Variants in ZNF551 observed in about 807,000 individuals in gnomAD.
ZNF551 encodes zinc finger protein 551.
In ZNF551, 5 loss-of-function variants were observed where a neutral mutation model predicts 7.9. The ratio of observed to expected loss-of-function variants is 0.63; its 90% CI spans 0.33 to 1.33. ZNF551 has a LOEUF of 1.33. ZNF551 is among the 40% of genes most tolerant of loss of function. ZNF551 has a pLI of 0.05. For synonymous variants in ZNF551, 287 were observed against 277.3 expected (o/e 1.03, Z -0.35); for missense variants, 788 against 825.2 (o/e 0.95, Z 0.55).
chr19:57,688,067 C>T lies in ZNF551; in HGVS notation c.1792C>T (p.Gln598Ter). Reference sequence around the variant, plus strand: ...TAGTGAATGTGGGAAATCCTTTAGCCAGAGCTCTAGCCTCATTCAACACCA... The same window carrying T: ...TAGTGAATGTGGGAAATCCTTTAGCTAGAGCTCTAGCCTCATTCAACACCA... ...ECSECGKSFS[Q>*]SSSLIQHQRG... The change falls in exon 3 of 3, where the codon CAG (glutamine) becomes TAG (stop). Residue 598 changes from glutamine (Q) to a stop codon, truncating the protein, a stop_gained. Coordinates refer to ENST00000282296, the MANE Select transcript of ZNF551 (RefSeq NM_138347.5). LOFTEE classifies it low-confidence loss of function (END_TRUNC). The T allele has an allele frequency of 1.2e-6, 2 of 1,614,034 alleles. No individual in the cohort carries two copies. Among genetic ancestry groups the T allele is most frequent in the Non-Finnish European group, 1.7e-6 (2 of 1,179,992 alleles).
chr19:57,689,913 A>T lies in ZNF551; in HGVS notation c.*1625A>T, dbSNP rs1984709927. On this transcript the variant is annotated 3_prime_UTR_variant, in exon 3 of 3. Coordinates refer to ENST00000282296, the MANE Select transcript of ZNF551 (RefSeq NM_138347.5). The stretch of plus-strand genomic sequence containing the variant: ...TAGGAGAACAAGAATAGAGAGAAGG[A>T]TCATTCCGCGGTCCAGGGATGTGGC... The T allele has an allele frequency of 1.3e-5, 2 of 152,040 alleles. No individual in the cohort carries two copies. Among genetic ancestry groups the T allele is most frequent in the South Asian group, 4.1e-4 (2 of 4,820 alleles). The allele number at this position is 152,040 out of a possible 1,614,324, so 9.4% of individuals were successfully genotyped here. A position where few individuals can be genotyped will look rare whatever the true frequency, so the allele number is the denominator to read the frequency against.
At position 57,682,237 on chromosome 19, in the gene ZNF551, C is replaced by A. The variant is rs1390712305; in HGVS notation, c.74C>A (p.Ser25Ter). The A allele has an allele frequency of 1.5e-5, 23 of 1,550,540 alleles. No individual in the cohort carries two copies. The highest frequency in any genetic ancestry group is 2.0e-5 in the Non-Finnish European group (23 of 1,146,930). ...SSMAAVALRDSAQGMTFEDVA... is the reference protein window; with the variant it reads ...SSMAAVALRD ...ATGGCGGCAGTCGCGCTGAGGGACT[C>A]GGCTCAGGTGAGTTGTGCGTCCTCC... Residue 25 changes from serine (S) to a stop codon, truncating the protein, a stop_gained, in exon 1 of 3, where the codon TCG becomes TAG. Coordinates refer to ENST00000282296, the MANE Select transcript of ZNF551 (RefSeq NM_138347.5). LOFTEE classifies it high-confidence loss of function.
At position 57,687,030 on chromosome 19, in the gene ZNF551, A is replaced by T; in HGVS notation, c.755A>T (p.Glu252Val). Residue 252 changes from glutamate to valine, a missense_variant, in exon 3 of 3, where the codon GAG (glutamate) becomes GTG (valine). Transcript: ENST00000282296. ...QSVCSEGGLY[E>V]CSKCEKAFTC... Reference sequence around the variant, plus strand: ...GTCTGTTCTGAAGGAGGGCTTTATGAGTGTAGCAAATGTGAGAAAGCCTTC... The same window carrying T: ...GTCTGTTCTGAAGGAGGGCTTTATGTGTGTAGCAAATGTGAGAAAGCCTTC... 6.2e-7 allele frequency: 1 copy of T among 1,614,228 alleles called. No individual in the cohort carries two copies. The highest frequency in any genetic ancestry group is 1.1e-5 in the South Asian group (1 of 91,090).
intron 1 of ZNF551, among the ~76,000 whole-genome samples, chr19:57,684,741 A>G (rs1984499593): frequency 2.0e-5 from 3 of 152,134 alleles, no homozygotes; most frequent in Non-Finnish European, 4.4e-5. Context: ...AACTGTCCCA[A>G]TCATGGAAAA....
intron 1 of ZNF551, among the ~76,000 whole-genome samples, chr19:57,684,181 G>A (rs1363969563): frequency 1.3e-5 from 2 of 152,132 alleles, no homozygotes; most frequent in Admixed American, 6.5e-5. Flanking sequence ...ATGACTTGAG[G>A]CTGCCCCTAA....
rs750400359 is a variant in ZNF551, at chr19:57,687,358, G to T, written c.1083G>T (p.Arg361Ser). 1.5e-5 allele frequency: 24 copies of T among 1,613,638 alleles called. 1 individual carries two copies. In the South Asian group the frequency reaches 2.3e-4, roughly 16 times the overall value. ...ACCAGAGAGTTCACACTGGAGAAAG[G>T]CCTTATGAATGTGGCGAGTGCGGGA... ...IEHQRVHTGE[R>S]PYECGECGKS... The change falls in exon 3 of 3, where the codon AGG becomes AGT. Residue 361 changes from arginine (R) to serine (S), a missense_variant. Transcript: ENST00000282296.
In ZNF551 at chr19:57,686,943, A is replaced by G. The variant is rs1219985630; in HGVS notation, c.668A>G (p.Tyr223Cys). 3 of 1,614,072 alleles carry G rather than the reference A, an allele frequency of 1.9e-6. No individual in the cohort carries two copies. The highest frequency in any genetic ancestry group is 2.5e-6 in the Non-Finnish European group (3 of 1,180,046). ...IQAFFNAKSY[Y>C]KWGEYRKASS... ...GCATTTTTCAATGCAAAAAGTTATT[A>G]CAAGTGGGGTGAATACAGAAAAGCT... The change falls in exon 3 of 3, where the codon TAC (tyrosine) becomes TGC (cysteine). Residue 223 changes from tyrosine (Y) to cysteine (C), a missense_variant. Coordinates refer to ENST00000282296, the MANE Select transcript of ZNF551 (RefSeq NM_138347.5).
In ZNF551 at chr19:57,686,683, A is replaced by C; in HGVS notation, c.408A>C (p.Thr136=). Reference sequence around the variant, plus strand: ...TGCAAAAGTCATACTTGGGTAGCACAAGCATGAGAGGCTTCTGCTTCAGTG... The same window carrying C: ...TGCAAAAGTCATACTTGGGTAGCACCAGCATGAGAGGCTTCTGCTTCAGTG... ...SPVQKSYLGS[T]SMRGFCFSAD... is the part of the protein sequence containing the mutation. The change falls in exon 3 of 3, where the codon ACA becomes ACC. Residue 136 remains threonine (T), a synonymous_variant. Transcript: ENST00000282296. 1.9e-6 allele frequency: 3 copies of C among 1,614,248 alleles called. No individual in the cohort carries two copies. Among genetic ancestry groups the C allele is most frequent in the Non-Finnish European group, 2.5e-6 (3 of 1,180,048 alleles).
At chr19:57,683,098 G>A (rs774951130) in intron 1 of ZNF551, among the ~76,000 whole-genome samples, 53 of 152,158 alleles carry the variant, frequency 3.5e-4, no homozygotes, top group Non-Finnish European at 7.2e-4. Flanking sequence ...TGGGAGGTTT[G>A]GAGTGGAAGA....
Position 57,688,754 on chromosome 19 carries a change from T to C in ZNF551, c.*466T>C, listed in dbSNP as rs1984672051. 6.3e-6 allele frequency: 1 copy of C among 159,880 alleles called. No homozygotes were observed. The highest frequency in any genetic ancestry group is 2.4e-5 in the African/African-American group (1 of 41,588). The allele number at this position is 159,880 out of a possible 1,614,324, so 9.9% of individuals were successfully genotyped here. ...ACTTTTTTAAGGAACATTGTCGGTC[T>C]CACATGATGCTTGTAATGAATTTTT... is the stretch of plus-strand genomic sequence containing the variant. On this transcript the variant is annotated 3_prime_UTR_variant, in exon 3 of 3. Coordinates refer to ENST00000282296, the MANE Select transcript of ZNF551 (RefSeq NM_138347.5).
At position 57,690,433 on chromosome 19, in the gene ZNF551, AC is replaced by A. The variant is rs1984727272; in HGVS notation, c.*2146del. 1.4e-5 allele frequency: 2 copies of A among 144,504 alleles called. No individual in the cohort carries two copies. The highest frequency in any genetic ancestry group is 5.1e-5 in the African/African-American group (2 of 38,906). The allele number at this position is 144,504 out of a possible 1,614,324, so 9.0% of individuals were successfully genotyped here. On this transcript the variant is annotated 3_prime_UTR_variant, in exon 3 of 3. Coordinates refer to ENST00000282296, the MANE Select transcript of ZNF551 (RefSeq NM_138347.5). ...CGCATATACGTATACGTATATATAT[AC>A]ATATGTGTTTATATATGTGTGTGTG...
chr19:57,688,457 G>A lies in ZNF551; in HGVS notation c.*169G>A. On this transcript the variant is annotated 3_prime_UTR_variant, in exon 3 of 3. Coordinates refer to ENST00000282296, the MANE Select transcript of ZNF551 (RefSeq NM_138347.5). ...TTCATTGTAATTTCTAATCTGCCGA[G>A]GCCTATAGCCTGATTTATGTCACTG... The A allele has an allele frequency of 1.1e-6, 1 of 934,328 alleles. No individual in the cohort carries two copies. The highest frequency in any genetic ancestry group is 1.6e-6 in the Non-Finnish European group (1 of 642,648). 57.9% of individuals were successfully genotyped at this position (934,328 alleles called of 1,614,324 possible). A position where few individuals can be genotyped will look rare whatever the true frequency, so the allele number is the denominator to read the frequency against.
chr19:57,690,449 A>ATG lies in ZNF551; in HGVS notation c.*2171_*2172dup, dbSNP rs916915190. ...TATATATATACATATGTGTTTATAT[A>ATG]TGTGTGTGTGTATATATATATACTT... is the stretch of plus-strand genomic sequence containing the variant. On this transcript the variant is annotated 3_prime_UTR_variant, in exon 3 of 3. Coordinates refer to ENST00000282296, the MANE Select transcript of ZNF551 (RefSeq NM_138347.5). 2.1e-4 allele frequency: 14 copies of ATG among 66,722 alleles called. No homozygotes were observed. The highest frequency in any genetic ancestry group is 4.3e-4 in the African/African-American group (9 of 20,980). The allele number at this position is 66,722 out of a possible 1,614,324, so 4.1% of individuals were successfully genotyped here.
Position 57,682,198 on chromosome 19 carries a change from G to T in ZNF551, c.35G>T (p.Ser12Ile). Residue 12 changes from serine to isoleucine, a missense_variant, in exon 1 of 3, where the codon AGT becomes ATT. Physicochemically the swap from Ser to Ile is moderately radical, Grantham distance 142 (BLOSUM62 -2). Transcript: ENST00000282296. Reference sequence around the variant, plus strand: ...CCGGTCGGCCGCCGCTCCCCGCCTAGTCCACGGAGCTCAATGGCGGCAGTC... The same window carrying T: ...CCGGTCGGCCGCCGCTCCCCGCCTATTCCACGGAGCTCAATGGCGGCAGTC... Reference protein sequence around the residue: ...PAPVGRRSPPSPRSSMAAVAL... With the variant: ...PAPVGRRSPPIPRSSMAAVAL... 6.5e-7 allele frequency: 1 copy of T among 1,550,350 alleles called. No individual in the cohort carries two copies.
intron 1 of ZNF551, among the ~76,000 whole-genome samples, chr19:57,683,707 G>A (rs567229218): frequency 4.6e-5 from 7 of 152,246 alleles, no homozygotes; most frequent in Admixed American, 4.6e-4. Flanking sequence ...GGTTGTGTGA[G>A]GTGTTGCAAC....
At chr19:57,685,567 C>A in intron 2 of ZNF551, 182 bp downstream of exon 2, 1 of 851,798 alleles carries the variant, frequency 1.2e-6, no homozygotes, top group Non-Finnish European at 1.9e-6. Flanking sequence ...CTCTAGCTGC[C>A]ATTTCCTTAT....
Position 57,686,674 on chromosome 19 carries a change from G to T in ZNF551, c.399G>T (p.Leu133Phe). 1.2e-6 allele frequency: 2 copies of T among 1,614,180 alleles called. No homozygotes were observed. The highest frequency in any genetic ancestry group is 2.7e-5 in the African/African-American group (2 of 75,042). The change falls in exon 3 of 3, where the codon TTG becomes TTT. Residue 133 changes from leucine to phenylalanine, a missense_variant. Transcript: ENST00000282296. ...QTTSPVQKSY[L>F]GSTSMRGFCF... is the part of the protein sequence containing the mutation. ...CATCCCCTGTGCAAAAGTCATACTT[G>T]GGTAGCACAAGCATGAGAGGCTTCT...
chr19:57,685,261 G>A lies in ZNF551; in HGVS notation c.82-1G>A. 6.2e-7 allele frequency: 1 copy of A among 1,613,960 alleles called. No individual in the cohort carries two copies. The highest frequency in any genetic ancestry group is 8.5e-7 in the Non-Finnish European group (1 of 1,179,904). On this transcript the variant is annotated splice_acceptor_variant, in intron 1 of 2. Transcript: ENST00000282296. LOFTEE classifies it high-confidence loss of function. Reference sequence around the variant, plus strand: ...GGATTGAACTATTCCTGCTGTGACAGGGTATGACCTTTGAGGATGTGGCCA... The same window carrying A: ...GGATTGAACTATTCCTGCTGTGACAAGGTATGACCTTTGAGGATGTGGCCA...
Position 57,689,692 on chromosome 19 carries a change from G to A in ZNF551, c.*1404G>A, listed in dbSNP as rs1191994420. The A allele has an allele frequency of 6.6e-6, 1 of 152,286 alleles. No homozygotes were observed. The highest frequency in any genetic ancestry group is 2.4e-5 in the African/African-American group (1 of 41,404). 9.4% of individuals were successfully genotyped at this position (152,286 alleles called of 1,614,324 possible). ...CATGCGCCTATAGTCCCAGCCACTT[G>A]GGAGGCTGAGGCAGGAGAATCGCTT... On this transcript the variant is annotated 3_prime_UTR_variant, in exon 3 of 3. Coordinates refer to ENST00000282296, the MANE Select transcript of ZNF551 (RefSeq NM_138347.5).
Sources: allele counts gnomAD v4.1 joint callset (sites outside exome capture counted in the v4.1 genomes callset), GRCh38; gene constraint gnomAD v4.1.1; transcripts MANE v1.5; gene names NCBI Gene and HGNC (gene_info 2026-07-23, HGNC 2026-07-21).